WWOX: variants seen among roughly 807,000 people sequenced by gnomAD.
The protein encoded by WWOX is WW domain-containing oxidoreductase.
In WWOX, 69 loss-of-function variants were observed where a neutral mutation model predicts 46.2. That is an observed-to-expected ratio of 1.49 (90% CI 1.23 to 1.82). The LOEUF (loss-of-function observed/expected upper bound fraction) is 1.82, where lower values mean the gene tolerates loss of function less well. Among genes scored for constraint, WWOX ranks in the 40% most tolerant of loss-of-function variants. WWOX has a pLI of 0.00. For synonymous variants in WWOX, 359 were observed against 202.6 expected (o/e 1.77, Z -6.56); for missense variants, 919 against 542.6 (o/e 1.69, Z -6.89).
intron 8 of WWOX, among the ~76,000 whole-genome samples, chr16:78,455,309 C>T (rs993753972): frequency 6.6e-6 from 1 of 151,880 alleles, no homozygotes; most frequent in Non-Finnish European, 1.5e-5. Flanking sequence ...TGCTAAAAAC[C>T]TCAGTAATGA....
At chr16:78,572,107 C>G (rs2044730190) in intron 8 of WWOX, among the ~76,000 whole-genome samples, 1 of 152,148 alleles carries the variant, frequency 6.6e-6, no homozygotes, top group Non-Finnish European at 1.5e-5. Flanking sequence ...CTGTTGAGAA[C>G]TAGGAAAAGC....
chr16:78,425,279 T>A lies in WWOX; in HGVS notation c.791+224T>A, dbSNP rs539658833. Among the ~76,000 whole-genome samples the A allele has an allele frequency of 2.6e-5, 4 of 152,308 alleles. No homozygotes were observed. In the East Asian group the frequency reaches 7.7e-4, roughly 29 times the overall value. ...GCAAGGAAGATTGTTTTTACGACTA[T>A]ACTTCAAGCTCCTCATTGATTTTGC... On this transcript the variant is annotated intron_variant, in intron 7 of 8. Transcript: ENST00000566780.
intron 8 of WWOX, among the ~76,000 whole-genome samples, chr16:78,769,155 G>C (rs1232873160): frequency 6.6e-6 from 1 of 152,298 alleles, no homozygotes; most frequent in Non-Finnish European, 1.5e-5. Context: ...AGGATGGAAA[G>C]GTTAAATGGA....
intron 8 of WWOX, among the ~76,000 whole-genome samples, chr16:78,838,591 C>T (rs1254597888): frequency 1.3e-5 from 2 of 152,138 alleles, no homozygotes; most frequent in Admixed American, 6.5e-5. Context: ...CCTGTAATCC[C>T]AGCACTTTGG....
At chr16:78,616,551 C>G (rs1237604787) in intron 8 of WWOX, among the ~76,000 whole-genome samples, 1 of 151,706 alleles carries the variant, frequency 6.6e-6, no homozygotes, top group African/African-American at 2.4e-5. Context: ...CGGTGGATCA[C>G]TTGAGGTCAG....
intron 4 of WWOX, among the ~76,000 whole-genome samples, chr16:78,131,616 C>G (rs1057445606): frequency 6.6e-6 from 1 of 151,868 alleles, no homozygotes; most frequent in Non-Finnish European, 1.5e-5. Flanking sequence ...GAGTCTCACT[C>G]TGTCGCCCAG....
intron 4 of WWOX, among the ~76,000 whole-genome samples, chr16:78,131,251 T>C (rs12921337): frequency 0.29 from 43,949 of 152,110 alleles, 6,892 homozygotes; most frequent in East Asian, 0.38. Context: ...CTTGCTCTGT[T>C]ACCCAGGCTT....
At chr16:79,036,744 G>A (rs1161597527) in intron 8 of WWOX, among the ~76,000 whole-genome samples, 1 of 152,192 alleles carries the variant, frequency 6.6e-6, no homozygotes, top group African/African-American at 2.4e-5. Context: ...GAAGGATTGG[G>A]AAGAGTAAAC....
intron 6 of WWOX, among the ~76,000 whole-genome samples, chr16:78,397,498 G>A (rs1193217504): frequency 6.6e-6 from 1 of 152,216 alleles, no homozygotes; most frequent in Non-Finnish European, 1.5e-5. Context: ...GTTCATGCTA[G>A]CTGGTACGCA....
At chr16:78,212,093 A>G (rs2036576131) in intron 5 of WWOX, among the ~76,000 whole-genome samples, 1 of 152,210 alleles carries the variant, frequency 6.6e-6, no homozygotes, top group Non-Finnish European at 1.5e-5. Context: ...CCTGTTTGGA[A>G]TGCAGGGCCG....
intron 7 of WWOX, 32 bp downstream of exon 7, chr16:78,425,087 C>A (rs775807907): frequency 6.2e-7 from 1 of 1,611,156 alleles, no homozygotes; most frequent in Non-Finnish European, 8.5e-7. Flanking sequence ...GTTCACTTAT[C>A]CCCTTTCTCA....
intron 8 of WWOX, among the ~76,000 whole-genome samples, chr16:78,997,425 G>T (rs1006773887): frequency 1.3e-5 from 2 of 152,102 alleles, no homozygotes; most frequent in African/African-American, 4.8e-5. Context: ...TAAAAAATAG[G>T]TTTGTTGTTA....
At chr16:78,690,444 C>G (rs12935036) in intron 8 of WWOX, among the ~76,000 whole-genome samples, 1 of 151,892 alleles carries the variant, frequency 6.6e-6, no homozygotes, top group Admixed American at 6.6e-5. Context: ...CCTAGCTACT[C>G]AGGAAGCTGA....
intron 8 of WWOX, among the ~76,000 whole-genome samples, chr16:78,449,365 G>C (rs749727760): frequency 2.6e-5 from 4 of 151,866 alleles, no homozygotes; most frequent in African/African-American, 9.7e-5. Flanking sequence ...GAGTCTGATC[G>C]TTGTTAAAGG....
chr16:78,847,945 C>G (rs567347957), intron 8 of WWOX, among the ~76,000 whole-genome samples: 1 of 152,246 alleles, frequency 6.6e-6, no homozygotes, highest in Admixed American at 6.5e-5. Flanking sequence ...GCACGAACAA[C>G]CCTGAGCTGA....
chr16:79,082,034 A>C (rs4888920), intron 8 of WWOX, among the ~76,000 whole-genome samples: 9 of 152,006 alleles, frequency 5.9e-5, no homozygotes, highest in South Asian at 2.1e-4. Context: ...AGTGTGGTTT[A>C]TGTCAAAATC....
chr16:78,605,251 G>C (rs959700467), intron 8 of WWOX, among the ~76,000 whole-genome samples: 1 of 150,920 alleles, frequency 6.6e-6, no homozygotes, highest in Non-Finnish European at 1.5e-5. Context: ...TTCATTGTTA[G>C]CGTTGTCTCT....
chr16:78,142,631 T>C (rs1479245995), intron 4 of WWOX, among the ~76,000 whole-genome samples: 2 of 152,228 alleles, frequency 1.3e-5, no homozygotes, highest in African/African-American at 4.8e-5. Flanking sequence ...TGAATAACTT[T>C]AAATAAATAA....
chr16:78,734,943 A>G (rs913416638), intron 8 of WWOX, among the ~76,000 whole-genome samples: 2 of 132,626 alleles, frequency 1.5e-5, no homozygotes, highest in African/African-American at 2.9e-5. Context: ...TCAGCTCACT[A>G]CAACCTCAGC....
Sources: gnomAD v4.1 joint callset for allele counts (sites outside exome capture counted in the v4.1 genomes callset) on GRCh38, gnomAD v4.1.1 for gene constraint, MANE v1.5 for transcripts, NCBI Gene and HGNC (gene_info 2026-07-23, HGNC 2026-07-21) for gene names.